Variants in CAP2 observed in about 807,000 individuals in gnomAD.
The protein encoded by CAP2 is adenylyl cyclase-associated protein 2.
In CAP2, 24 loss-of-function variants were observed where a neutral mutation model predicts 57.7. That is an observed-to-expected ratio of 0.42 (90% CI 0.30 to 0.58). The LOEUF is 0.58. CAP2 is among the 20% of genes least tolerant of loss of function. The pLI is 0.22. For synonymous variants in CAP2, 194 were observed against 207.2 expected (o/e 0.94, Z 0.55); for missense variants, 501 against 590.3 (o/e 0.85, Z 1.57).
Position 17,400,332 on chromosome 6 carries a change from G to T in CAP2, c.-2+6586G>T, listed in dbSNP as rs111640156. On this transcript the variant is annotated intron_variant, in intron 1 of 12. Transcript: ENST00000229922. Reference sequence around the variant, plus strand: ...ATGAGAAAATAACCTCTGTTACTTTGCATCATTCCATTTGGAGATCCAGAG... The same window carrying T: ...ATGAGAAAATAACCTCTGTTACTTTTCATCATTCCATTTGGAGATCCAGAG... Among the ~76,000 whole-genome samples, 559 of 152,214 alleles carry T rather than the reference G, an allele frequency of 3.7e-3. 3 individuals carry two copies. The highest frequency in any genetic ancestry group is 0.012 in the African/African-American group (510 of 41,540).
intron 1 of CAP2, among the ~76,000 whole-genome samples, chr6:17,399,538 CAGA>C (rs1398053235): frequency 1.3e-5 from 2 of 152,066 alleles, no homozygotes; most frequent in Admixed American, 1.3e-4. Context: ...TGTCTGAAAC[CAGA>C]AGAAGAAATT....
intron 4 of CAP2, among the ~76,000 whole-genome samples, chr6:17,485,904 A>G (rs1445343259): frequency 7.9e-5 from 12 of 152,358 alleles, no homozygotes; most frequent in African/African-American, 2.9e-4. Flanking sequence ...TGGAAGAAGG[A>G]CATCCTGTTT....
At chr6:17,515,337 C>T (rs1252669916) in intron 7 of CAP2, among the ~76,000 whole-genome samples, 1 of 152,148 alleles carries the variant, frequency 6.6e-6, no homozygotes, top group Non-Finnish European at 1.5e-5. Context: ...GACCACTATC[C>T]TAAGCTAATT....
intron 4 of CAP2, among the ~76,000 whole-genome samples, chr6:17,466,679 G>A (rs1043303336): frequency 2.0e-5 from 3 of 152,180 alleles, no homozygotes; most frequent in Non-Finnish European, 2.9e-5. Context: ...TGCTGGTGCT[G>A]CTGATTTCTC....
At chr6:17,415,435 G>A (rs1276768003) in intron 1 of CAP2, among the ~76,000 whole-genome samples, 1 of 152,200 alleles carries the variant, frequency 6.6e-6, no homozygotes, top group Non-Finnish European at 1.5e-5. Context: ...GAGCCACTGT[G>A]GTTCCAAGTA....
Position 17,397,122 on chromosome 6 carries a change from C to A in CAP2, c.-2+3376C>A, listed in dbSNP as rs370048572. The stretch of plus-strand genomic sequence containing the variant: ...TCGCCCAGGCTGGAATGGAGTGGCA[C>A]AGTCTCAGCTCACTACAACCTCCGC... On this transcript the variant is annotated intron_variant, in intron 1 of 12. Transcript: ENST00000229922. Among the ~76,000 whole-genome samples, 141 of 152,208 alleles carry A rather than the reference C, an allele frequency of 9.3e-4. 1 individual carries two copies. Among genetic ancestry groups the A allele is most frequent in the African/African-American group, 3.2e-3 (133 of 41,560 alleles).
intron 1 of CAP2, among the ~76,000 whole-genome samples, chr6:17,398,813 C>T (rs1016885816): frequency 6.6e-6 from 1 of 152,110 alleles, no homozygotes; most frequent in African/African-American, 2.4e-5. Context: ...CGTGAGCCAC[C>T]GTGCCCGGTC....
At chr6:17,498,616 T>C (rs1276036978) in intron 4 of CAP2, among the ~76,000 whole-genome samples, 3 of 152,240 alleles carry the variant, frequency 2.0e-5, no homozygotes, top group Admixed American at 2.0e-4. Flanking sequence ...ATCGTAATGA[T>C]GATCCTGGGC....
intron 7 of CAP2, among the ~76,000 whole-genome samples, chr6:17,527,350 A>G (rs1170065228): frequency 1.3e-5 from 2 of 152,276 alleles, no homozygotes; most frequent in South Asian, 2.1e-4. Context: ...ATACTCTGCT[A>G]TCTTTAACCC....
intron 1 of CAP2, among the ~76,000 whole-genome samples, chr6:17,403,571 A>ATAG (rs1467735425): frequency 6.6e-6 from 1 of 152,226 alleles, no homozygotes; most frequent in Admixed American, 6.5e-5. Flanking sequence ...CATCCTACTA[A>ATAG]TAGTAACAAT....
chr6:17,437,221 C>T (rs1456936770), intron 3 of CAP2, among the ~76,000 whole-genome samples: 2 of 152,130 alleles, frequency 1.3e-5, no homozygotes, highest in East Asian at 3.9e-4. Flanking sequence ...AAATTGTCTT[C>T]CATGAAATTG....
chr6:17,471,308 T>C (rs960975479), intron 4 of CAP2, among the ~76,000 whole-genome samples: 7 of 152,264 alleles, frequency 4.6e-5, no homozygotes, highest in African/African-American at 1.7e-4. Context: ...TCAAGGGCCA[T>C]ATGACAGATA....
chr6:17,409,679 A>G (rs1227749591), intron 1 of CAP2, among the ~76,000 whole-genome samples: 1 of 152,102 alleles, frequency 6.6e-6, no homozygotes, highest in Admixed American at 6.6e-5. Flanking sequence ...CCCTACTCGT[A>G]ACTGCCAACT....
At position 17,540,448 on chromosome 6, in the gene CAP2, A is replaced by T. The variant is rs753656269; in HGVS notation, c.827-525A>T. 4.0e-3 allele frequency among the ~76,000 whole-genome samples: 515 copies of T among 128,006 alleles called. 5 individuals are homozygous for T. The highest frequency in any genetic ancestry group is 0.016 in the African/African-American group (480 of 30,170). 84.0% of individuals were successfully genotyped at this position (128,006 alleles called of 152,430 possible). Reference sequence around the variant, plus strand: ...CCCAACAGAAGAGGTTCCTCAAATTAAAAAAAAAAAAAAAAATACTTGGCT... The same window carrying T: ...CCCAACAGAAGAGGTTCCTCAAATTTAAAAAAAAAAAAAAAATACTTGGCT... On this transcript the variant is annotated intron_variant, in intron 8 of 12. Transcript: ENST00000229922.
chr6:17,493,488 C>T (rs1761593424), intron 4 of CAP2: 1 of 253,618 alleles, frequency 3.9e-6, no homozygotes, highest in African/African-American at 2.2e-5. Flanking sequence ...GTCTCACAGA[C>T]TTTTGCTGCT....
At chr6:17,488,559 A>T (rs892790198) in intron 4 of CAP2, among the ~76,000 whole-genome samples, 6 of 149,992 alleles carry the variant, frequency 4.0e-5, no homozygotes, top group Non-Finnish European at 7.5e-5. Flanking sequence ...TCTTGGTTTT[A>T]AAAAAAAACA....
intron 3 of CAP2, among the ~76,000 whole-genome samples, chr6:17,460,300 G>A (rs1760685891): frequency 6.6e-6 from 1 of 151,850 alleles, no homozygotes; most frequent in African/African-American, 2.4e-5. Flanking sequence ...GCTTGTTGAA[G>A]AAAATACACA....
intron 2 of CAP2, among the ~76,000 whole-genome samples, chr6:17,424,408 A>G (rs778760042): frequency 3.9e-5 from 6 of 152,206 alleles, no homozygotes; most frequent in South Asian, 2.1e-4. Context: ...TCTCAAAAAA[A>G]AGAGAAACTT....
At chr6:17,438,433 GTTTTTTT>G (rs773266583) in intron 3 of CAP2, among the ~76,000 whole-genome samples, 5 of 58,372 alleles carry the variant, frequency 8.6e-5, no homozygotes, top group Non-Finnish European at 1.1e-4. Context: ...ATCCAGAAGT[GTTTTTTT>G]TTTTTTTTTT....
Sources: gnomAD v4.1 joint callset for allele counts (sites outside exome capture counted in the v4.1 genomes callset) on GRCh38, gnomAD v4.1.1 for gene constraint, MANE v1.5 for transcripts, NCBI Gene and HGNC (gene_info 2026-07-23, HGNC 2026-07-21) for gene names.